The following MAP2 variants were observed in gnomAD, a reference collection of about 807,000 sequenced individuals.
MAP2 encodes microtubule associated protein 2, also known as microtubule-associated protein 2.
A neutral mutation model predicts 137.6 loss-of-function variants in MAP2; 14 were observed. The observed-to-expected ratio is 0.10, with a 90% confidence interval of 0.07 to 0.16. MAP2 has a LOEUF of 0.16. MAP2 is among the 10% of genes least tolerant of loss of function. The pLI is 1.00. For synonymous variants in MAP2, 786 were observed against 782.3 expected (o/e 1.00, Z -0.08); for missense variants, 2,088 against 2,191.5 (o/e 0.95, Z 0.94).
At position 209,435,985 on chromosome 2, in the gene MAP2, A is replaced by C. The variant is rs1157690688; in HGVS notation, c.-222+11709A>C. Among the ~76,000 whole-genome samples, 5 of 88,794 alleles carry C rather than the reference A, an allele frequency of 5.6e-5. 2 individuals are homozygous for C. Among genetic ancestry groups the C allele is most frequent in the Admixed American group, 2.2e-4 (2 of 8,892 alleles). The allele number at this position is 88,794 out of a possible 152,430, so 58.3% of individuals were successfully genotyped here. ...ATATATTATATATAATATATACAGT[A>C]TATATTATATACTATATATACAGTA... On this transcript the variant is annotated intron_variant, in intron 1 of 15. Transcript: ENST00000682079.
chr2:209,519,353 T>G lies in MAP2; in HGVS notation c.-172+11712T>G, dbSNP rs374191931. ...TTCAGGTAATTGGGGTGATCATCTG[T>G]GTTAGCTAATTGGCTTTCTCTGAGG... is the stretch of plus-strand genomic sequence containing the variant. On this transcript the variant is annotated intron_variant, in intron 2 of 15. Coordinates refer to ENST00000682079, the MANE Select transcript of MAP2 (RefSeq NM_001375505.1). Among the ~76,000 whole-genome samples, 459 of 152,186 alleles carry G rather than the reference T, an allele frequency of 3.0e-3. 2 individuals carry two copies. The highest frequency in any genetic ancestry group is 0.016 in the South Asian group (79 of 4,826).
intron 7 of MAP2, among the ~76,000 whole-genome samples, chr2:209,690,335 T>C (rs186014159): frequency 6.6e-6 from 1 of 152,310 alleles, no homozygotes; most frequent in East Asian, 1.9e-4. Flanking sequence ...TACAACCCTT[T>C]CAGCTCTCAA....
intron 4 of MAP2, among the ~76,000 whole-genome samples, chr2:209,627,133 A>G (rs543989034): frequency 1.9e-4 from 29 of 152,310 alleles, no homozygotes; most frequent in Admixed American, 3.9e-4. Flanking sequence ...ATTCCCAAAT[A>G]TAGTATAAAT....
intron 5 of MAP2, among the ~76,000 whole-genome samples, chr2:209,674,501 T>A (rs868275138): frequency 1.3e-5 from 2 of 151,750 alleles, no homozygotes; most frequent in African/African-American, 4.8e-5. Context: ...TAGTATGAAA[T>A]AACTAGAAAG....
At chr2:209,679,672 A>G (rs1409980240) in intron 6 of MAP2, among the ~76,000 whole-genome samples, 1 of 152,100 alleles carries the variant, frequency 6.6e-6, no homozygotes, top group Non-Finnish European at 1.5e-5. Flanking sequence ...AATAATTTAG[A>G]ATACACTCAG....
At chr2:209,574,454 C>G (rs923954420) in intron 2 of MAP2, among the ~76,000 whole-genome samples, 2 of 152,006 alleles carry the variant, frequency 1.3e-5, no homozygotes, top group Non-Finnish European at 2.9e-5. Flanking sequence ...CACACACACA[C>G]ACACACAGAC....
chr2:209,488,050 G>A (rs2058608132), intron 1 of MAP2, among the ~76,000 whole-genome samples: 1 of 152,184 alleles, frequency 6.6e-6, no homozygotes, highest in Non-Finnish European at 1.5e-5. Context: ...AGAGACCAGC[G>A]CAGAAGGTGT....
At chr2:209,706,556 A>G (rs1449332430) in intron 12 of MAP2, among the ~76,000 whole-genome samples, 3 of 151,926 alleles carry the variant, frequency 2.0e-5, no homozygotes, top group Non-Finnish European at 4.4e-5. Context: ...TAGAGAGGGT[A>G]ACTGCTTCAC....
intron 1 of MAP2, among the ~76,000 whole-genome samples, chr2:209,444,469 A>G (rs1411827863): frequency 6.6e-6 from 1 of 151,606 alleles, no homozygotes; most frequent in African/African-American, 2.4e-5. Context: ...ATACATTCCA[A>G]TTAGATTCAG....
In MAP2 at chr2:209,652,825, A is replaced by G. The variant is rs190287054; in HGVS notation, c.-29-317A>G. On this transcript the variant is annotated intron_variant, in intron 4 of 15. Coordinates refer to ENST00000682079, the MANE Select transcript of MAP2 (RefSeq NM_001375505.1). ...TGAAAGTTCATTAAGATGTATACCT[A>G]AATGCCAAACACTAGTTTTTTTTCA... Among the ~76,000 whole-genome samples, 423 of 152,300 alleles carry G rather than the reference A, an allele frequency of 2.8e-3. 2 individuals are homozygous for G. Among genetic ancestry groups the G allele is most frequent in the African/African-American group, 9.6e-3 (400 of 41,568 alleles).
chr2:209,660,495 G>T (rs1453464932), intron 5 of MAP2, among the ~76,000 whole-genome samples: 1 of 125,660 alleles, frequency 8.0e-6, no homozygotes, highest in African/African-American at 3.0e-5. Context: ...CCGGGTTCAC[G>T]CCATTCTCCC....
intron 11 of MAP2, among the ~76,000 whole-genome samples, chr2:209,703,544 T>C (rs1350924236): frequency 6.6e-6 from 1 of 152,154 alleles, no homozygotes; most frequent in Non-Finnish European, 1.5e-5. Context: ...TACATTATCC[T>C]TAAATTAGAG....
chr2:209,626,005 TTTTA>T (rs1422358639), intron 4 of MAP2, among the ~76,000 whole-genome samples: 2 of 152,214 alleles, frequency 1.3e-5, no homozygotes, highest in East Asian at 3.8e-4. Context: ...AATTTAGTTT[TTTTA>T]AATTAGAAGT....
chr2:209,447,104 G>GAGAA (rs1473297977), intron 1 of MAP2, among the ~76,000 whole-genome samples: 4 of 151,962 alleles, frequency 2.6e-5, no homozygotes, highest in Non-Finnish European at 5.9e-5. Flanking sequence ...TAAAGCAGTA[G>GAGAA]AGTAACTCCT....
chr2:209,438,360 G>T (rs926871590), intron 1 of MAP2, among the ~76,000 whole-genome samples: 3 of 151,458 alleles, frequency 2.0e-5, no homozygotes, highest in African/African-American at 7.3e-5. Flanking sequence ...ATTATGCAGG[G>T]TTATTTTTTG....
At chr2:209,451,553 A>G (rs1575144831) in intron 1 of MAP2, among the ~76,000 whole-genome samples, 1 of 151,916 alleles carries the variant, frequency 6.6e-6, no homozygotes, top group African/African-American at 2.4e-5. Flanking sequence ...ACAGTTTTCT[A>G]CTTTTCTAGC....
chr2:209,607,089 C>A (rs889002538), intron 3 of MAP2, among the ~76,000 whole-genome samples: 1 of 152,128 alleles, frequency 6.6e-6, no homozygotes, highest in Non-Finnish European at 1.5e-5. Context: ...CAACATGTTT[C>A]TATGTTATGA....
At chr2:209,671,534 T>C (rs915167687) in intron 5 of MAP2, among the ~76,000 whole-genome samples, 2 of 151,900 alleles carry the variant, frequency 1.3e-5, no homozygotes, top group Non-Finnish European at 2.9e-5. Context: ...TGTACCCTAC[T>C]GAGAAAAACC....
intron 8 of MAP2, 22 bp from the exon 9 acceptor site, chr2:209,696,520 C>T: frequency 6.3e-7 from 1 of 1,579,334 alleles, no homozygotes; most frequent in Non-Finnish European, 8.6e-7. Flanking sequence ...TTGTTGTTGT[C>T]ATGATTTGCT....
Sources: allele counts gnomAD v4.1 joint callset (sites outside exome capture counted in the v4.1 genomes callset), GRCh38; gene constraint gnomAD v4.1.1; transcripts MANE v1.5; gene names NCBI Gene and HGNC (gene_info 2026-07-23, HGNC 2026-07-21).